Variants in CSMD1 observed in about 807,000 individuals in gnomAD.
CSMD1 encodes the protein CUB and sushi domain-containing protein 1.
A neutral mutation model predicts 417.5 loss-of-function variants in CSMD1; 213 were observed. That is an observed-to-expected ratio of 0.51 (90% confidence interval 0.46 to 0.57). CSMD1 has a LOEUF of 0.57. Ranked by LOEUF, CSMD1 falls within the 20% of genes least tolerant of loss-of-function variation. The pLI is 0.00. For missense variants in CSMD1, 6,923 were observed against 4,529.7 expected, an observed-to-expected ratio of 1.53 and a Z score of -15.17; for synonymous variants, 2,862 against 1,736.8, an observed-to-expected ratio of 1.65 and a Z score of -16.11.
In CSMD1 at chr8:3,533,424, C is replaced by T. The variant is rs117850271; in HGVS notation, c.1345-39698G>A. Among the ~76,000 whole-genome samples, 643 of 152,302 alleles carry T rather than the reference C, an allele frequency of 4.2e-3. 4 individuals are homozygous for T. The highest frequency in any genetic ancestry group is 0.024 in the Middle Eastern group (7 of 294). ...CCTCCCTGATAACAGTGGTTTGACT[C>T]TGTCAGCGTCTATGAGTTTAACTCC... On this transcript the variant is annotated intron_variant, in intron 10 of 69. Coordinates refer to ENST00000635120, the MANE Select transcript of CSMD1 (RefSeq NM_033225.6).
At chr8:3,262,052 G>T (rs940178793) in intron 26 of CSMD1, among the ~76,000 whole-genome samples, 1 of 151,612 alleles carries the variant, frequency 6.6e-6, no homozygotes, top group African/African-American at 2.4e-5. Flanking sequence ...ACTCTAAGTG[G>T]ATCTATGATT....
intron 53 of CSMD1, 49 bp from the exon 54 acceptor site, chr8:2,998,233 A>AC: frequency 6.3e-7 from 1 of 1,576,874 alleles, no homozygotes; most frequent in African/African-American, 1.3e-5. Context: ...ACAGGTCATC[A>AC]CTTTCCCTTG....
intron 5 of CSMD1, among the ~76,000 whole-genome samples, chr8:3,933,343 T>C (rs921466611): frequency 6.6e-6 from 1 of 152,210 alleles, no homozygotes; most frequent in Non-Finnish European, 1.5e-5. Flanking sequence ...ACTTGAACCA[T>C]TAAGCTGTTT....
At chr8:4,451,569 A>G (rs572565522) in intron 2 of CSMD1, among the ~76,000 whole-genome samples, 1 of 152,174 alleles carries the variant, frequency 6.6e-6, no homozygotes, top group African/African-American at 2.4e-5. Flanking sequence ...CGATAGAGTG[A>G]AGACAAAGAA....
At chr8:4,151,857 A>T (rs1336387901) in intron 3 of CSMD1, among the ~76,000 whole-genome samples, 1 of 152,274 alleles carries the variant, frequency 6.6e-6, no homozygotes, top group South Asian at 2.1e-4. Context: ...ATTTCCATGT[A>T]CCTTTTCTAT....
intron 23 of CSMD1, among the ~76,000 whole-genome samples, chr8:3,330,973 G>A (rs1051968226): frequency 3.3e-5 from 5 of 152,080 alleles, no homozygotes; most frequent in East Asian, 1.9e-4. Flanking sequence ...CAACAGTGCC[G>A]GGCGCGGTGG....
At chr8:4,796,785 C>T (rs1798004135) in intron 1 of CSMD1, among the ~76,000 whole-genome samples, 1 of 152,182 alleles carries the variant, frequency 6.6e-6, no homozygotes, top group Non-Finnish European at 1.5e-5. Flanking sequence ...CTTTTGCAAT[C>T]ACGGTGAGTA....
At chr8:4,050,430 A>C (rs930312028) in intron 3 of CSMD1, among the ~76,000 whole-genome samples, 2 of 152,078 alleles carry the variant, frequency 1.3e-5, no homozygotes, top group African/African-American at 4.8e-5. Context: ...TGTTTTTTGC[A>C]TATATACATA....
intron 23 of CSMD1, among the ~76,000 whole-genome samples, chr8:3,321,658 T>A (rs967142098): frequency 6.6e-6 from 1 of 152,134 alleles, no homozygotes; most frequent in African/African-American, 2.4e-5. Context: ...CATATTACTA[T>A]ATTTAACTGG....
intron 3 of CSMD1, among the ~76,000 whole-genome samples, chr8:4,202,441 G>A (rs1459175086): frequency 2.6e-5 from 4 of 152,148 alleles, no homozygotes; most frequent in African/African-American, 9.7e-5. Context: ...TCGTGGAAAT[G>A]TACAAAATGT....
intron 3 of CSMD1, among the ~76,000 whole-genome samples, chr8:4,348,918 C>T (rs1430862464): frequency 6.6e-6 from 1 of 152,136 alleles, no homozygotes; most frequent in African/African-American, 2.4e-5. Flanking sequence ...TGTGATATCA[C>T]AGCTATTGTT....
At chr8:3,025,041 ACC>A (rs1438757303) in intron 51 of CSMD1, among the ~76,000 whole-genome samples, 9 of 150,100 alleles carry the variant, frequency 6.0e-5, no homozygotes, top group African/African-American at 2.2e-4. Flanking sequence ...TTATTCTGAA[ACC>A]CTGTATTGTG....
At chr8:4,117,555 G>C (rs1180456107) in intron 3 of CSMD1, among the ~76,000 whole-genome samples, 2 of 152,148 alleles carry the variant, frequency 1.3e-5, no homozygotes, top group African/African-American at 2.4e-5. Context: ...GATTGTGACA[G>C]CTAATAGCAG....
chr8:3,005,818 C>G (rs1009343924), intron 52 of CSMD1, among the ~76,000 whole-genome samples: 94 of 152,208 alleles, frequency 6.2e-4, no homozygotes, highest in African/African-American at 2.2e-3. Flanking sequence ...CAATATCATA[C>G]TGAATGGGCA....
chr8:4,937,726 A>G (rs960005409), intron 1 of CSMD1, among the ~76,000 whole-genome samples: 14 of 152,132 alleles, frequency 9.2e-5, no homozygotes. Flanking sequence ...TTTACGCCTG[A>G]GCAGAGTAAG....
intron 49 of CSMD1, among the ~76,000 whole-genome samples, chr8:3,083,526 C>A (rs557231621): frequency 7.0e-6 from 1 of 143,634 alleles, no homozygotes; most frequent in East Asian, 2.1e-4. Flanking sequence ...GTAAGGAAGT[C>A]GCTTAATCTG....
intron 3 of CSMD1, among the ~76,000 whole-genome samples, chr8:4,154,492 T>G (rs1796727404): frequency 6.6e-6 from 1 of 152,018 alleles, no homozygotes; most frequent in South Asian, 2.1e-4. Flanking sequence ...TACCCCAAGT[T>G]CAAAACTGTG....
intron 3 of CSMD1, among the ~76,000 whole-genome samples, chr8:4,043,899 A>C (rs1798018113): frequency 6.6e-6 from 1 of 152,214 alleles, no homozygotes; most frequent in South Asian, 2.1e-4. Flanking sequence ...TAACACAGAT[A>C]AACCTGAATC....
At chr8:4,936,942 G>A (rs916230778) in intron 1 of CSMD1, among the ~76,000 whole-genome samples, 1 of 152,048 alleles carries the variant, frequency 6.6e-6, no homozygotes, top group African/African-American at 2.4e-5. Context: ...CGGCTCTGGT[G>A]GCTCATACCT....
Sources: gnomAD v4.1 joint callset for allele counts (sites outside exome capture counted in the v4.1 genomes callset) on GRCh38, gnomAD v4.1.1 for gene constraint, MANE v1.5 for transcripts, NCBI Gene and HGNC (gene_info 2026-07-23, HGNC 2026-07-21) for gene names.